The following CSMD1 variants were observed in gnomAD, a reference collection of about 807,000 sequenced individuals.
CSMD1 encodes the protein CUB and sushi domain-containing protein 1.
CSMD1 carries 213 observed loss-of-function variants against 417.5 expected under a neutral mutation model. The ratio of observed to expected loss-of-function variants is 0.51; its 90% CI spans 0.46 to 0.57. CSMD1 has a LOEUF of 0.57. Ranked by LOEUF, CSMD1 falls within the 20% of genes least tolerant of loss-of-function variation. The pLI is 0.00. For missense variants in CSMD1, 6,923 were observed against 4,529.7 expected, an observed-to-expected ratio of 1.53 and a Z score of -15.17; for synonymous variants, 2,862 against 1,736.8, an observed-to-expected ratio of 1.65 and a Z score of -16.11.
intron 10 of CSMD1, among the ~76,000 whole-genome samples, chr8:3,496,353 G>T (rs949691513): frequency 2.0e-5 from 3 of 152,168 alleles, no homozygotes; most frequent in Non-Finnish European, 4.4e-5. Context: ...TCCCTGTAAG[G>T]ATTGAGGGCA....
intron 1 of CSMD1, among the ~76,000 whole-genome samples, chr8:4,737,047 C>A (rs1257011326): frequency 6.6e-6 from 1 of 152,184 alleles, no homozygotes; most frequent in Admixed American, 6.6e-5. Context: ...AAGTTTATTG[C>A]AGCATGATTC....
At chr8:3,233,960 T>G (rs1037046759) in intron 26 of CSMD1, among the ~76,000 whole-genome samples, 6 of 152,312 alleles carry the variant, frequency 3.9e-5, no homozygotes, top group Non-Finnish European at 5.9e-5. Flanking sequence ...GGTTGTGAGT[T>G]GCATGCATCT....
At chr8:3,120,761 C>A (rs1366053229) in intron 41 of CSMD1, among the ~76,000 whole-genome samples, 1 of 151,956 alleles carries the variant, frequency 6.6e-6, no homozygotes, top group Non-Finnish European at 1.5e-5. Flanking sequence ...GCAGAAGAAT[C>A]GCTTAAACCC....
intron 1 of CSMD1, among the ~76,000 whole-genome samples, chr8:4,956,422 C>T (rs12114486): frequency 2.8e-4 from 41 of 148,730 alleles, no homozygotes; most frequent in African/African-American, 1.0e-3. Context: ...TTATAAAATT[C>T]ATATGTGCAT....
intron 22 of CSMD1, among the ~76,000 whole-genome samples, chr8:3,347,012 C>G (rs1808050042): frequency 6.6e-6 from 1 of 152,116 alleles, no homozygotes; most frequent in Admixed American, 6.5e-5. Flanking sequence ...CTTCCCTGTG[C>G]CATGTTGAAA....
At chr8:4,344,422 G>T (rs890851476) in intron 3 of CSMD1, among the ~76,000 whole-genome samples, 2 of 151,760 alleles carry the variant, frequency 1.3e-5, no homozygotes, top group Non-Finnish European at 2.9e-5. Flanking sequence ...AGCAAAGGCA[G>T]GAATATTTTA....
chr8:3,864,037 TAGTGAAGA>T (rs1228681440), intron 5 of CSMD1, among the ~76,000 whole-genome samples: 1 of 152,134 alleles, frequency 6.6e-6, no homozygotes, highest in East Asian at 1.9e-4. Flanking sequence ...TTGCAAATCT[TAGTGAAGA>T]TGAATGTGAA....
At chr8:3,759,218 T>G (rs911868132) in intron 5 of CSMD1, among the ~76,000 whole-genome samples, 3 of 152,176 alleles carry the variant, frequency 2.0e-5, no homozygotes, top group African/African-American at 7.2e-5. Flanking sequence ...ATGTATAGCT[T>G]TTATATGTCA....
In CSMD1 at chr8:4,405,889, G is replaced by T. The variant is rs147197764; in HGVS notation, c.415+14064C>A. Reference sequence around the variant, plus strand: ...TTAGAAATGCATGTGGTTATTTTTGGTCAATCCTAATATTTGCTCCAAGGA... The same window carrying T: ...TTAGAAATGCATGTGGTTATTTTTGTTCAATCCTAATATTTGCTCCAAGGA... On this transcript the variant is annotated intron_variant, in intron 3 of 69. Transcript: ENST00000635120. 6.4e-4 allele frequency among the ~76,000 whole-genome samples: 98 copies of T among 152,240 alleles called. 1 individual carries two copies. Among genetic ancestry groups the T allele is most frequent in the African/African-American group, 2.2e-3 (92 of 41,528 alleles).
chr8:4,080,842 T>C (rs2248285), intron 3 of CSMD1, among the ~76,000 whole-genome samples: 1,880 of 152,296 alleles, frequency 0.012, 39 homozygotes, highest in African/African-American at 0.041. Context: ...GGTATTGCTA[T>C]GGATTTCATG....
At chr8:4,537,141 C>A (rs1429462583) in intron 2 of CSMD1, among the ~76,000 whole-genome samples, 1 of 152,054 alleles carries the variant, frequency 6.6e-6, no homozygotes, top group Non-Finnish European at 1.5e-5. Context: ...AACTGTATTA[C>A]AATTTGGGTC....
At chr8:3,631,571 C>T (rs752373469) in intron 7 of CSMD1, among the ~76,000 whole-genome samples, 1 of 152,256 alleles carries the variant, frequency 6.6e-6, no homozygotes, top group African/African-American at 2.4e-5. Flanking sequence ...TTTGAAATGA[C>T]GCTAAGAAGC....
intron 23 of CSMD1, among the ~76,000 whole-genome samples, chr8:3,324,036 A>C (rs1450093852): frequency 7.0e-5 from 8 of 114,844 alleles, no homozygotes; most frequent in African/African-American, 1.3e-4. Context: ...AGTTTCCTTC[A>C]CCCCACCTTT....
chr8:3,746,798 C>T lies in CSMD1; in HGVS notation c.931+7132G>A, dbSNP rs571661212. On this transcript the variant is annotated intron_variant, in intron 6 of 69. Transcript: ENST00000635120. The stretch of plus-strand genomic sequence containing the variant: ...TTACATTTATGACTTTTTAATATAC[C>T]GAGAGAAACAAAATAATCATGCCTG... 4.8e-4 allele frequency among the ~76,000 whole-genome samples: 73 copies of T among 152,108 alleles called. 2 individuals carry two copies. Among genetic ancestry groups the T allele is most frequent in the Non-Finnish European group, 8.5e-4 (58 of 68,000 alleles).
intron 6 of CSMD1, among the ~76,000 whole-genome samples, chr8:3,742,002 A>C (rs1173853480): frequency 1.4e-5 from 2 of 147,896 alleles, no homozygotes; most frequent in South Asian, 2.1e-4. Flanking sequence ...TTAACCCTGC[A>C]AATTGCCTTT....
At chr8:3,947,148 A>C (rs1220007871) in intron 5 of CSMD1, among the ~76,000 whole-genome samples, 1 of 152,214 alleles carries the variant, frequency 6.6e-6, no homozygotes, top group Non-Finnish European at 1.5e-5. Context: ...TTAAGTAAGA[A>C]ATTAGTTATA....
chr8:4,201,967 A>T (rs1007946537), intron 3 of CSMD1, among the ~76,000 whole-genome samples: 3 of 152,132 alleles, frequency 2.0e-5, no homozygotes, highest in Non-Finnish European at 4.4e-5. Flanking sequence ...GAGACAGAAA[A>T]CAAAAATGAA....
At position 4,565,153 on chromosome 8, in the gene CSMD1, C is replaced by G. The variant is rs368837680; in HGVS notation, c.302+72189G>C. On this transcript the variant is annotated intron_variant, in intron 2 of 69. Coordinates refer to ENST00000635120, the MANE Select transcript of CSMD1 (RefSeq NM_033225.6). Reference sequence around the variant, plus strand: ...CAGCTTCTTATCACTCAGCCTCAGACTGATTTGACTTTCCAATGATGAAAA... The same window carrying G: ...CAGCTTCTTATCACTCAGCCTCAGAGTGATTTGACTTTCCAATGATGAAAA... Among the ~76,000 whole-genome samples the G allele has an allele frequency of 1.9e-3, 295 of 152,308 alleles. 1 individual carries two copies. Among genetic ancestry groups the G allele is most frequent in the African/African-American group, 6.7e-3 (280 of 41,588 alleles).
In CSMD1 at chr8:4,712,740, A is replaced by T. The variant is rs557616914; in HGVS notation, c.86-75182T>A. Among the ~76,000 whole-genome samples the T allele has an allele frequency of 4.6e-5, 7 of 152,252 alleles. No homozygotes were observed. In the South Asian group the frequency reaches 1.2e-3, roughly 27 times the overall value. The stretch of plus-strand genomic sequence containing the variant: ...TCTCTCTTTTTTCACTTGTGATATT[A>T]AAGGTGTTTTGTTTCCTCCTTCTTT... On this transcript the variant is annotated intron_variant, in intron 1 of 69. Coordinates refer to ENST00000635120, the MANE Select transcript of CSMD1 (RefSeq NM_033225.6).
Sources: gnomAD v4.1 joint callset for allele counts (sites outside exome capture counted in the v4.1 genomes callset) on GRCh38, gnomAD v4.1.1 for gene constraint, MANE v1.5 for transcripts, NCBI Gene and HGNC (gene_info 2026-07-23, HGNC 2026-07-21) for gene names.